SMIM21: variants seen among roughly 807,000 people sequenced by gnomAD.
SMIM21 encodes the protein small integral membrane protein 21, also known as chromosome 18 open reading frame 62.
A neutral mutation model predicts 8.6 loss-of-function variants in SMIM21; 8 were observed. The observed-to-expected ratio is 0.93, with a 90% CI of 0.55 to 1.68. The LOEUF (loss-of-function observed/expected upper bound fraction) is 1.68, where lower values mean the gene tolerates loss of function less well. Among genes scored for constraint, SMIM21 ranks in the 40% most tolerant of loss-of-function variants. The probability of loss-of-function intolerance (pLI) is 0.00; values close to 1 mark genes in which losing one functional copy is unlikely to be tolerated. For synonymous variants in SMIM21, 43 were observed against 41.7 expected, an observed-to-expected ratio of 1.03 and a Z score of -0.12; for missense variants, 132 against 123.0, an observed-to-expected ratio of 1.07 and a Z score of -0.35.
chr18:75,413,660 C>T (rs941519538), intron 2 of SMIM21, among the ~76,000 whole-genome samples: 2 of 152,212 alleles, frequency 1.3e-5, no homozygotes, highest in African/African-American at 4.8e-5. Context: ...CCACTTCCCC[C>T]ACCTTGCAAT....
chr18:75,421,854 G>A (rs745476264), intron 1 of SMIM21, among the ~76,000 whole-genome samples: 9 of 152,114 alleles, frequency 5.9e-5, no homozygotes, highest in South Asian at 2.1e-4. Context: ...TGAGTCTTTC[G>A]AAATACCTAA....
intron 2 of SMIM21, among the ~76,000 whole-genome samples, chr18:75,414,125 A>ACC (rs1167278343): frequency 6.7e-6 from 1 of 150,130 alleles, no homozygotes; most frequent in Non-Finnish European, 1.5e-5. Context: ...ACACACATAC[A>ACC]CACACACACA....
intron 2 of SMIM21, among the ~76,000 whole-genome samples, chr18:75,415,109 CCTT>C (rs2024629824): frequency 6.6e-6 from 1 of 152,126 alleles, no homozygotes. Flanking sequence ...GCTCTGTCAT[CCTT>C]CTGCTGCACC....
At position 75,410,770 on chromosome 18, in the gene SMIM21, A is replaced by C. The variant is rs778554058; in HGVS notation, c.*94T>G. 6.3e-7 allele frequency: 1 copy of C among 1,577,948 alleles called. No individual in the cohort carries two copies. Among genetic ancestry groups the C allele is most frequent in the South Asian group, 1.2e-5 (1 of 84,420 alleles). On this transcript the variant is annotated 3_prime_UTR_variant, in exon 3 of 3. Coordinates refer to ENST00000579022, the MANE Select transcript of SMIM21 (RefSeq NM_001037331.3). ...TTTAAAAAGTGAGCAATAATCTGCT[A>C]TCTCTAAGCAATCTGATTTCCTCTT...
rs764386124 is a variant in SMIM21, at chr18:75,418,835, T to A, written c.211A>T (p.Ile71Leu). The A allele has an allele frequency of 2.5e-6, 4 of 1,613,496 alleles. No homozygotes were observed. The highest frequency in any genetic ancestry group is 3.4e-6 in the Non-Finnish European group (4 of 1,179,438). ...VMVLLRNHSR[I>L]QGVSEDWKRA... ...TTCCAGTCTTCAGAAACCCCTTGTA[T>A]CCTGCTATGATTCCTCAGCAACACC... is the stretch of plus-strand genomic sequence containing the variant. The change falls in exon 2 of 3, where the codon ATA (isoleucine) becomes TTA (leucine). Residue 71 changes from isoleucine to leucine, a missense_variant. Transcript: ENST00000579022.
chr18:75,410,781 A>G lies in SMIM21; in HGVS notation c.*83T>C. The G allele has an allele frequency of 6.3e-7, 1 of 1,596,582 alleles. No homozygotes were observed. ...AGCAATAATCTGCTATCTCTAAGCA[A>G]TCTGATTTCCTCTTAATTTCTTTTC... On this transcript the variant is annotated 3_prime_UTR_variant, in exon 3 of 3. Coordinates refer to ENST00000579022, the MANE Select transcript of SMIM21 (RefSeq NM_001037331.3).
intron 1 of SMIM21, among the ~76,000 whole-genome samples, chr18:75,420,002 T>C (rs900359735): frequency 6.6e-6 from 1 of 152,176 alleles, no homozygotes; most frequent in African/African-American, 2.4e-5. Flanking sequence ...CCCAGCTCCC[T>C]TCCCCCAATC....
chr18:75,425,190 T>G (rs2024748874), intron 1 of SMIM21, among the ~76,000 whole-genome samples: 1 of 152,188 alleles, frequency 6.6e-6, no homozygotes, highest in Non-Finnish European at 1.5e-5. Context: ...GAGATTCCAC[T>G]GGACACCAAG....
chr18:75,420,892 G>A (rs935299106), intron 1 of SMIM21, among the ~76,000 whole-genome samples: 1 of 152,134 alleles, frequency 6.6e-6, no homozygotes, highest in Non-Finnish European at 1.5e-5. Flanking sequence ...AGGTATTTGT[G>A]ATATTCCACA....
Position 75,427,631 on chromosome 18 carries a change from G to A in SMIM21, c.-68C>T. On this transcript the variant is annotated 5_prime_UTR_variant, in exon 1 of 3. Transcript: ENST00000579022. ...CAGCGACTCTGAGGACACAGAGCTGGTGCTATAAGACCTGGTAACTAAGTT... is the reference window on the plus strand; with the variant it reads ...CAGCGACTCTGAGGACACAGAGCTGATGCTATAAGACCTGGTAACTAAGTT... 12 of 1,469,954 alleles carry A rather than the reference G, an allele frequency of 8.2e-6. No homozygotes were observed. Among genetic ancestry groups the A allele is most frequent in the Non-Finnish European group, 9.9e-6 (11 of 1,106,860 alleles). 91.1% of individuals were successfully genotyped at this position (1,469,954 alleles called of 1,614,324 possible). A position where few individuals can be genotyped will look rare whatever the true frequency, so the allele number is the denominator to read the frequency against.
At chr18:75,412,786 C>A (rs1487606122) in intron 2 of SMIM21, among the ~76,000 whole-genome samples, 3 of 152,112 alleles carry the variant, frequency 2.0e-5, no homozygotes, top group African/African-American at 4.8e-5. Flanking sequence ...TTACAGAACC[C>A]CCACTCCTAG....
chr18:75,413,520 A>G (rs17057008), intron 2 of SMIM21, among the ~76,000 whole-genome samples: 5,119 of 152,256 alleles, frequency 0.034, 131 homozygotes, highest in Admixed American at 0.07. Context: ...CAATGTCTGT[A>G]CTTAAACCCT....
chr18:75,427,589 A>G lies in SMIM21; in HGVS notation c.-26T>C. 1 of 1,569,080 alleles carries G rather than the reference A, an allele frequency of 6.4e-7. No homozygotes were observed. Among genetic ancestry groups the G allele is most frequent in the Non-Finnish European group, 8.7e-7 (1 of 1,155,774 alleles). On this transcript the variant is annotated 5_prime_UTR_variant, in exon 1 of 3. Transcript: ENST00000579022. ...GTGGGGGCTGCGGCGGTGACCAGTGAGAGGTCTCCTTGATGACAGCGACTC... is the reference window on the plus strand; with the variant it reads ...GTGGGGGCTGCGGCGGTGACCAGTGGGAGGTCTCCTTGATGACAGCGACTC...
At chr18:75,410,942 AT>A (rs749312633) in intron 2 of SMIM21, 33 bp from the exon 3 acceptor site, 25 of 1,611,330 alleles carry the variant, frequency 1.6e-5, no homozygotes, top group Middle Eastern at 3.3e-4. Flanking sequence ...AAAGCATTTT[AT>A]TTTTTTGATA....
At position 75,410,841 on chromosome 18, in the gene SMIM21, A is replaced by G; in HGVS notation, c.*23T>C. 3 of 1,614,074 alleles carry G rather than the reference A, an allele frequency of 1.9e-6. No homozygotes were observed. Among genetic ancestry groups the G allele is most frequent in the East Asian group, 2.2e-5 (1 of 44,876 alleles). On this transcript the variant is annotated 3_prime_UTR_variant, in exon 3 of 3. Coordinates refer to ENST00000579022, the MANE Select transcript of SMIM21 (RefSeq NM_001037331.3). ...AGGGGAAATCCATGGTATGAAGGCC[A>G]TGAGAGAGAAACGTAGTGTCATTTA...
At chr18:75,419,116 T>C in intron 1 of SMIM21, 200 bp from the exon 2 acceptor site, 1 of 411,450 alleles carries the variant, frequency 2.4e-6, no homozygotes, top group Non-Finnish European at 4.3e-6. Flanking sequence ...AGATAATGCA[T>C]GTAAAACAAC....
intron 2 of SMIM21, among the ~76,000 whole-genome samples, chr18:75,415,652 C>A (rs1214933221): frequency 2.0e-5 from 3 of 152,236 alleles, no homozygotes; most frequent in African/African-American, 7.2e-5. Flanking sequence ...CATGGACACA[C>A]ACAGACTCAA....
At chr18:75,413,136 T>A (rs1189564790) in intron 2 of SMIM21, among the ~76,000 whole-genome samples, 1 of 152,066 alleles carries the variant, frequency 6.6e-6, no homozygotes, top group Non-Finnish European at 1.5e-5. Flanking sequence ...ACCTGAGTGT[T>A]CCTTGGGCAT....
At chr18:75,425,759 T>C (rs2024754921) in intron 1 of SMIM21, among the ~76,000 whole-genome samples, 1 of 152,188 alleles carries the variant, frequency 6.6e-6, no homozygotes, top group South Asian at 2.1e-4. Context: ...TTACATTTGA[T>C]TATTCAGATT....
Sources: gnomAD v4.1 joint callset for allele counts (sites outside exome capture counted in the v4.1 genomes callset) on GRCh38, gnomAD v4.1.1 for gene constraint, MANE v1.5 for transcripts, NCBI Gene and HGNC (gene_info 2026-07-23, HGNC 2026-07-21) for gene names.